The following MYO9A variants were observed in gnomAD, a reference collection of about 807,000 sequenced individuals.
The protein encoded by MYO9A is unconventional myosin-IXa.
MYO9A carries 103 observed loss-of-function variants against 293.3 expected under a neutral mutation model. The ratio of observed to expected loss-of-function variants is 0.35; its 90% confidence interval spans 0.30 to 0.41. The LOEUF (loss-of-function observed/expected upper bound fraction) is 0.41, where lower values mean the gene tolerates loss of function less well. Among genes scored for constraint, MYO9A ranks in the 10% least tolerant of loss-of-function variants. The pLI is 1.00. For synonymous variants in MYO9A, 1,001 were observed against 1,035.7 expected (o/e 0.97, Z 0.64); for missense variants, 2,685 against 3,033.0 (o/e 0.89, Z 2.69).
intron 1 of MYO9A, among the ~76,000 whole-genome samples, chr15:72,071,156 A>AC (rs1345307699): frequency 2.6e-5 from 4 of 152,240 alleles, no homozygotes; most frequent in African/African-American, 9.6e-5. Flanking sequence ...TATGCATCTG[A>AC]CAAGAGACTA....
At chr15:72,106,429 C>A (rs887640864) in intron 1 of MYO9A, among the ~76,000 whole-genome samples, 1 of 152,202 alleles carries the variant, frequency 6.6e-6, no homozygotes, top group Non-Finnish European at 1.5e-5. Flanking sequence ...GAGTTCAAGG[C>A]TGCAGTGATG....
chr15:71,965,109 A>C, intron 13 of MYO9A, among the ~76,000 whole-genome samples: 1 of 151,800 alleles, frequency 6.6e-6, no homozygotes, highest in African/African-American at 2.4e-5. Context: ...ATAAAATATT[A>C]TAATTTTAAT....
chr15:72,014,692 AAAAG>A (rs1237668425), intron 6 of MYO9A, among the ~76,000 whole-genome samples: 3 of 151,840 alleles, frequency 2.0e-5, no homozygotes, highest in African/African-American at 7.3e-5. Context: ...TGAAAGAAAG[AAAAG>A]AAAGAAAAGG....
chr15:72,041,391 T>C, intron 2 of MYO9A: 1 of 442,232 alleles, frequency 2.3e-6, no homozygotes, highest in Admixed American at 2.8e-5. Context: ...TTGATAATCA[T>C]GTCTCTGAAT....
chr15:71,830,973 CTTTTTTTTTTTT>C (rs67440366), intron 39 of MYO9A, among the ~76,000 whole-genome samples: 7 of 103,080 alleles, frequency 6.8e-5, no homozygotes, highest in East Asian at 2.9e-4. Context: ...CTGCTTCTTC[CTTTTTTTTTTTT>C]TTTTTTTTTT....
chr15:71,888,277 A>G, intron 26 of MYO9A, 161 bp from the exon 27 acceptor site: 1 of 401,520 alleles, frequency 2.5e-6, no homozygotes, highest in Non-Finnish European at 4.4e-6. Context: ...TGAAAACTCT[A>G]TATAAAGTAA....
chr15:72,017,010 C>CTTTT (rs61153023), intron 6 of MYO9A, among the ~76,000 whole-genome samples: 12 of 58,226 alleles, frequency 2.1e-4, no homozygotes, highest in Non-Finnish European at 2.7e-4. Flanking sequence ...GAGCCCAAAT[C>CTTTT]TTTTTTTTTT....
intron 12 of MYO9A, among the ~76,000 whole-genome samples, chr15:71,968,820 A>C (rs1406238178): frequency 1.3e-5 from 2 of 152,188 alleles, no homozygotes; most frequent in Non-Finnish European, 2.9e-5. Context: ...TCAAAGAGAG[A>C]AAATATCATT....
At chr15:71,864,154 C>T (rs1025556089) in intron 32 of MYO9A, among the ~76,000 whole-genome samples, 2 of 152,230 alleles carry the variant, frequency 1.3e-5, no homozygotes, top group East Asian at 3.9e-4. Flanking sequence ...GGCAACCCAA[C>T]TCAAAAATGG....
At chr15:71,946,229 C>T (rs1011406460) in intron 15 of MYO9A, among the ~76,000 whole-genome samples, 2 of 152,060 alleles carry the variant, frequency 1.3e-5, no homozygotes, top group Non-Finnish European at 2.9e-5. Context: ...GGATAGTGTT[C>T]CCTTCTCCTG....
rs143457272 is a variant in MYO9A, at chr15:71,853,926, G to A, written c.6346+451C>T. The stretch of plus-strand genomic sequence containing the variant: ...AACTCCAATTTGGTCACTTATTGGC[G>A]ATCAGTCTTTGGGCAAGATCTTCTG... On this transcript the variant is annotated intron_variant, in intron 35 of 41. Transcript: ENST00000356056. 1.1e-4 allele frequency among the ~76,000 whole-genome samples: 16 copies of A among 152,302 alleles called. No homozygotes were observed. In the East Asian group the frequency reaches 2.9e-3, roughly 28 times the overall value.
intron 2 of MYO9A, among the ~76,000 whole-genome samples, chr15:72,037,261 C>CAAA (rs61042231): frequency 1.3e-5 from 1 of 74,282 alleles, no homozygotes; most frequent in African/African-American, 5.2e-5. Context: ...CAGAATGGGG[C>CAAA]AAAAAAAAAA....
At position 71,888,025 on chromosome 15, in the gene MYO9A, T is replaced by G. The variant is rs2057071920; in HGVS notation, c.5234A>C (p.Lys1745Thr). Residue 1745 changes from lysine (K) to threonine (T), a missense_variant, in exon 27 of 42, where the codon AAG (lysine) becomes ACG (threonine). By Grantham distance (78) the Lys-to-Thr change is moderately conservative. Around this residue, in one of 10 missense-constraint regions of MYO9A, gnomAD observed 1,434 missense variants for 1,497.7 expected, o/e 0.96. Coordinates refer to ENST00000356056, the MANE Select transcript of MYO9A (RefSeq NM_006901.4). ...GEITKLAVRQ[K>T]ASDSDIRPQR... ...ATACCTTATATCTGAATCTGAAGCC[T>G]TCTGTCTCACTGCCAACTTGGTAAT... The G allele has an allele frequency of 6.2e-7, 1 of 1,604,444 alleles. No individual in the cohort carries two copies. Among genetic ancestry groups the G allele is most frequent in the Non-Finnish European group, 8.5e-7 (1 of 1,172,560 alleles).
intron 39 of MYO9A, 78 bp downstream of exon 39, chr15:71,848,767 C>T: frequency 6.7e-7 from 1 of 1,490,076 alleles, no homozygotes; most frequent in Non-Finnish European, 9.0e-7. Context: ...GATAATAATC[C>T]TTGTATACAC....
At chr15:71,976,845 A>G (rs562071795) in intron 12 of MYO9A, among the ~76,000 whole-genome samples, 2 of 152,340 alleles carry the variant, frequency 1.3e-5, no homozygotes, top group East Asian at 3.9e-4. Flanking sequence ...TCTTTCTGTT[A>G]GCTTTTTATT....
chr15:72,101,684 G>C (rs982601244), intron 1 of MYO9A, among the ~76,000 whole-genome samples: 1 of 140,242 alleles, frequency 7.1e-6, no homozygotes, highest in Non-Finnish European at 1.6e-5. Context: ...GTCTGGGAGG[G>C]AGGTGGGGGG....
At chr15:72,104,303 T>C (rs1290829413) in intron 1 of MYO9A, among the ~76,000 whole-genome samples, 1 of 152,206 alleles carries the variant, frequency 6.6e-6, no homozygotes, top group Non-Finnish European at 1.5e-5. Flanking sequence ...TTTGGTAGGT[T>C]AGGTGTAATA....
Position 71,900,082 on chromosome 15 carries a change from A to G in MYO9A, c.3151-76T>C, listed in dbSNP as rs184487377. On this transcript the variant is annotated intron_variant, in intron 23 of 41. Transcript: ENST00000356056. ...TTTTCACAGGAAAAAAAGAGAATAAATTTCTTATGTCATAATTACAGGTTA... is the reference window on the plus strand; with the variant it reads ...TTTTCACAGGAAAAAAAGAGAATAAGTTTCTTATGTCATAATTACAGGTTA... The G allele has an allele frequency of 2.9e-6, 4 of 1,357,702 alleles. No homozygotes were observed. In the Admixed American group the frequency reaches 7.7e-5, roughly 26 times the overall value. The allele number at this position is 1,357,702 out of a possible 1,614,324, so 84.1% of individuals were successfully genotyped here.
intron 1 of MYO9A, chr15:72,116,990 T>C (rs188815002): frequency 6.6e-6 from 1 of 152,136 alleles, no homozygotes; most frequent in East Asian, 1.9e-4. Context: ...GCTAAGCAAA[T>C]ATTCCCTCAG....
Sources: allele counts gnomAD v4.1 joint callset (sites outside exome capture counted in the v4.1 genomes callset), GRCh38; gene constraint gnomAD v4.1.1; regional missense constraint gnomAD v4.1.1; transcripts MANE v1.5; gene names NCBI Gene and HGNC (gene_info 2026-07-23, HGNC 2026-07-21).